Variants in NT5E observed in about 807,000 individuals in gnomAD.
The protein encoded by NT5E is 5'-nucleotidase ecto.
NT5E carries 53 observed loss-of-function variants against 55.1 expected under a neutral mutation model. The ratio of observed to expected loss-of-function variants is 0.96; its 90% CI spans 0.77 to 1.21. NT5E has a LOEUF of 1.21. NT5E is among the 50% of genes most tolerant of loss of function. The pLI is 0.00. For missense variants in NT5E, 683 were observed against 724.3 expected (o/e 0.94, Z 0.65); for synonymous variants, 270 against 278.4 (o/e 0.97, Z 0.30).
intron 1 of NT5E, among the ~76,000 whole-genome samples, chr6:85,452,155 G>C (rs1337124197): frequency 6.6e-6 from 1 of 152,214 alleles, no homozygotes; most frequent in East Asian, 1.9e-4. Context: ...TTGTAGAATT[G>C]AGTTGTTGCT....
chr6:85,493,220 G>A (rs1031153394), intron 8 of NT5E, among the ~76,000 whole-genome samples: 3 of 152,174 alleles, frequency 2.0e-5, no homozygotes, highest in Non-Finnish European at 1.5e-5. Flanking sequence ...GAGATTCTAA[G>A]TTAACTGGAT....
chr6:85,450,511 C>A lies in NT5E; in HGVS notation c.339+33C>A. 5 of 1,548,106 alleles carry A rather than the reference C, an allele frequency of 3.2e-6. No homozygotes were observed. Among genetic ancestry groups the A allele is most frequent in the Middle Eastern group, 1.7e-4 (1 of 5,970 alleles). ...CCGAGCCCGCGCCCGGGATAGTAGT[C>A]CCGGACTGAGAGAGGAGCCGGGCTG... On this transcript the variant is annotated intron_variant, in intron 1 of 8. Transcript: ENST00000257770. This position sits in a 1 kb window ranked among gnomAD's most constrained non-coding sequence, Gnocchi z 4.0.
intron 4 of NT5E, among the ~76,000 whole-genome samples, chr6:85,486,405 G>C (rs1222196459): frequency 6.6e-6 from 1 of 152,262 alleles, no homozygotes. Flanking sequence ...TTCTCAGAGG[G>C]GAGTACGCCT....
intron 2 of NT5E, among the ~76,000 whole-genome samples, chr6:85,468,287 G>A (rs1769235148): frequency 6.6e-6 from 1 of 152,244 alleles, no homozygotes; most frequent in African/African-American, 2.4e-5. Context: ...CATAGAGGCA[G>A]AGCTGGAGGC....
chr6:85,450,379 G>C lies in NT5E; in HGVS notation c.240G>C (p.Leu80=). The C allele has an allele frequency of 6.3e-7, 1 of 1,599,108 alleles. No individual in the cohort carries two copies. The highest frequency in any genetic ancestry group is 8.5e-7 in the Non-Finnish European group (1 of 1,174,038). The change falls in exon 1 of 9, where the codon CTG becomes CTC. Residue 80 remains leucine (L), a synonymous_variant. Coordinates refer to ENST00000257770, the MANE Select transcript of NT5E (RefSeq NM_002526.4). The surrounding 1 kb of genome is among the most constrained non-coding windows in gnomAD (Gnocchi z 4.0). ...GCCGCGCCGAACCCAACGTGCTGCTGCTGGACGCCGGCGACCAGTACCAGG... is the reference window on the plus strand; with the variant it reads ...GCCGCGCCGAACCCAACGTGCTGCTCCTGGACGCCGGCGACCAGTACCAGG... ...QIRRAEPNVL[L]LDAGDQYQGT...
chr6:85,470,505 C>T (rs1355412493), intron 2 of NT5E, among the ~76,000 whole-genome samples: 2 of 152,188 alleles, frequency 1.3e-5, no homozygotes, highest in African/African-American at 2.4e-5. Context: ...GGCTGGAGTG[C>T]AGTGGTATGG....
At chr6:85,463,243 TG>T (rs1227428237) in intron 1 of NT5E, among the ~76,000 whole-genome samples, 1 of 152,170 alleles carries the variant, frequency 6.6e-6, no homozygotes, top group African/African-American at 2.4e-5. Context: ...AAAGTGCATT[TG>T]GTGAAGTTTA....
intron 1 of NT5E, among the ~76,000 whole-genome samples, chr6:85,456,604 T>C (rs1323190908): frequency 3.3e-5 from 5 of 152,068 alleles, no homozygotes; most frequent in African/African-American, 1.2e-4. Context: ...CCCAGCTACA[T>C]AGGGAAATCA....
chr6:85,457,847 T>C (rs1241949491), intron 1 of NT5E, among the ~76,000 whole-genome samples: 10 of 152,172 alleles, frequency 6.6e-5, no homozygotes, highest in Non-Finnish European at 1.2e-4. Flanking sequence ...GAGTGGATAA[T>C]GGCCATTCGA....
At chr6:85,476,772 C>T (rs1582380291) in intron 3 of NT5E, among the ~76,000 whole-genome samples, 1 of 152,130 alleles carries the variant, frequency 6.6e-6, no homozygotes, top group South Asian at 2.1e-4. Context: ...AACTCTTCTC[C>T]GAGGTCCTAC....
chr6:85,468,041 T>C (rs1291484594), intron 2 of NT5E, among the ~76,000 whole-genome samples: 2 of 152,132 alleles, frequency 1.3e-5, no homozygotes, highest in Non-Finnish European at 2.9e-5. Flanking sequence ...TTCTTTAAAT[T>C]ATCCAAATTA....
At chr6:85,456,821 G>C (rs1415768688) in intron 1 of NT5E, among the ~76,000 whole-genome samples, 7 of 152,146 alleles carry the variant, frequency 4.6e-5, no homozygotes, top group Admixed American at 4.6e-4. Context: ...GTGAGACTGG[G>C]ATCAAGTCCC....
intron 1 of NT5E, among the ~76,000 whole-genome samples, chr6:85,452,995 C>T (rs1768917029): frequency 6.6e-6 from 1 of 152,166 alleles, no homozygotes; most frequent in Non-Finnish European, 1.5e-5. Context: ...AGCTAAAACA[C>T]AGGAGTCCCC....
intron 2 of NT5E, among the ~76,000 whole-genome samples, chr6:85,470,186 T>C (rs920444173): frequency 6.6e-6 from 1 of 152,166 alleles, no homozygotes; most frequent in African/African-American, 2.4e-5. Flanking sequence ...ATGCCAGTGA[T>C]AGCCATAAAA....
chr6:85,467,037 T>C, intron 1 of NT5E, 23 bp from the exon 2 acceptor site: 3 of 1,603,712 alleles, frequency 1.9e-6, no homozygotes, highest in Non-Finnish European at 2.6e-6. Context: ...CCTAATTCTT[T>C]TTCTCTTTTC....
intron 4 of NT5E, among the ~76,000 whole-genome samples, chr6:85,486,748 C>T (rs896467197): frequency 1.3e-5 from 2 of 152,094 alleles, no homozygotes; most frequent in African/African-American, 4.8e-5. Flanking sequence ...TCTTTTATTC[C>T]GTAGCAATAG....
At chr6:85,481,656 C>T (rs543283918) in intron 3 of NT5E, among the ~76,000 whole-genome samples, 31 of 152,022 alleles carry the variant, frequency 2.0e-4, no homozygotes, top group Non-Finnish European at 4.1e-4. Context: ...TTCCTGGGCA[C>T]GTGGGTGTGG....
chr6:85,465,717 C>T (rs1449147563), intron 1 of NT5E, among the ~76,000 whole-genome samples: 5 of 152,308 alleles, frequency 3.3e-5, no homozygotes, highest in East Asian at 1.9e-4. Context: ...TGAATGCCTG[C>T]GTGCCAAGGA....
chr6:85,490,467 C>A, intron 6 of NT5E, 41 bp from the exon 7 acceptor site: 1 of 1,613,124 alleles, frequency 6.2e-7, no homozygotes, highest in South Asian at 1.1e-5. Context: ...AGCATTTTCT[C>A]AAGCTATTTT....
Sources: gnomAD v4.1 joint callset for allele counts (sites outside exome capture counted in the v4.1 genomes callset) on GRCh38, gnomAD v4.1.1 for gene constraint, Gnocchi (gnomAD v3.1) non-coding constraint, MANE v1.5 for transcripts, NCBI Gene and HGNC (gene_info 2026-07-23, HGNC 2026-07-21) for gene names.